The following RHOA variants were observed in gnomAD, a reference collection of about 807,000 sequenced individuals.
RHOA encodes transforming protein RhoA.
A neutral mutation model predicts 17.5 loss-of-function variants in RHOA; 3 were observed. The ratio of observed to expected loss-of-function variants is 0.17; its 90% CI spans 0.08 to 0.44. RHOA has a LOEUF of 0.44. Among genes scored for constraint, RHOA ranks in the 20% least tolerant of loss-of-function variants. RHOA has a pLI of 0.99. For synonymous variants in RHOA, 98 were observed against 88.4 expected, an observed-to-expected ratio of 1.11 and a Z score of -0.61; for missense variants, 56 against 242.3, an observed-to-expected ratio of 0.23 and a Z score of 5.10.
chr3:49,411,964 A>C lies in RHOA; in HGVS notation c.-147T>G. 6.6e-6 allele frequency: 1 copy of C among 150,948 alleles called. No individual in the cohort carries two copies. Among genetic ancestry groups the C allele is most frequent in the Non-Finnish European group, 1.5e-5 (1 of 68,872 alleles). The allele number at this position is 150,948 out of a possible 1,614,324, so 9.4% of individuals were successfully genotyped here. A position where few individuals can be genotyped will look rare whatever the true frequency, so the allele number is the denominator to read the frequency against. On this transcript the variant is annotated 5_prime_UTR_variant, in exon 1 of 5. Transcript: ENST00000418115. Reference sequence around the variant, plus strand: ...GGAGGACCGCGGGCGGCGGGAGGGTAGCGCGAGAGAGCGAGGGCGGGCGGC... The same window carrying C: ...GGAGGACCGCGGGCGGCGGGAGGGTCGCGCGAGAGAGCGAGGGCGGGCGGC...
intron 1 of RHOA, among the ~76,000 whole-genome samples, chr3:49,401,041 C>CAAAAAATAAAA (rs2048716013): frequency 1.5e-5 from 1 of 67,584 alleles, no homozygotes; most frequent in Non-Finnish European, 2.6e-5. Flanking sequence ...GACTCCGTCT[C>CAAAAAATAAAA]AAAAAAAAAA....
At chr3:49,370,593 A>C (rs2048133337) in intron 2 of RHOA, among the ~76,000 whole-genome samples, 1 of 152,170 alleles carries the variant, frequency 6.6e-6, no homozygotes, top group African/African-American at 2.4e-5. Context: ...TTTACTACTC[A>C]AGAAATGTCT....
At chr3:49,408,333 C>T (rs1275028089) in intron 1 of RHOA, among the ~76,000 whole-genome samples, 1 of 150,844 alleles carries the variant, frequency 6.6e-6, no homozygotes, top group Non-Finnish European at 1.5e-5. Flanking sequence ...AATATACATA[C>T]TCATCCTCTT....
intron 2 of RHOA, among the ~76,000 whole-genome samples, chr3:49,370,840 ATCTT>A (rs2048136861): frequency 6.6e-6 from 1 of 152,052 alleles, no homozygotes; most frequent in South Asian, 2.1e-4. Context: ...CTTGGAACAC[ATCTT>A]TCTTCTCTTA....
At chr3:49,399,804 T>C (rs1170989415) in intron 1 of RHOA, among the ~76,000 whole-genome samples, 3 of 152,132 alleles carry the variant, frequency 2.0e-5, no homozygotes, top group Non-Finnish European at 4.4e-5. Context: ...ACTATTATGT[T>C]TTCGAACAAG....
intron 3 of RHOA, among the ~76,000 whole-genome samples, chr3:49,367,828 A>C (rs566315352): frequency 6.6e-6 from 1 of 151,282 alleles, no homozygotes; most frequent in Non-Finnish European, 1.5e-5. Flanking sequence ...GCCTTAGTTT[A>C]CTCATCTTTG....
chr3:49,404,458 AAAATTAGCCGGG>A (rs2048782242), intron 1 of RHOA, among the ~76,000 whole-genome samples: 1 of 146,670 alleles, frequency 6.8e-6, no homozygotes, highest in Non-Finnish European at 1.5e-5. Context: ...ACACACACAC[AAAATTAGCCGGG>A]CATGGTGGCA....
chr3:49,406,736 G>C (rs551257560), intron 1 of RHOA: 3 of 152,032 alleles, frequency 2.0e-5, no homozygotes, highest in African/African-American at 7.2e-5. Context: ...CACTTTGGGA[G>C]GCTGAGGCAG....
rs1295433802 is a variant in RHOA, at chr3:49,370,267, AAC to A, written c.157-1721_157-1720del. On this transcript the variant is annotated intron_variant, in intron 2 of 4. Coordinates refer to ENST00000418115, the MANE Select transcript of RHOA (RefSeq NM_001664.4). The stretch of plus-strand genomic sequence containing the variant: ...AATTAGGAAAAAAACAAAAAAACAA[AAC>A]AGATACTAGAACTGAACCAAGTGGC... 5.3e-5 allele frequency among the ~76,000 whole-genome samples: 8 copies of A among 152,246 alleles called. No homozygotes were observed. The South Asian group carries it at 1.7e-3, about 32-fold the overall frequency.
At chr3:49,379,953 G>GTGT (rs1384953752) in intron 1 of RHOA, among the ~76,000 whole-genome samples, 5 of 152,232 alleles carry the variant, frequency 3.3e-5, no homozygotes, top group Non-Finnish European at 5.9e-5. Context: ...CCATCTGGCA[G>GTGT]ACAGTGATGG....
At chr3:49,391,142 C>T (rs1361885861) in intron 1 of RHOA, among the ~76,000 whole-genome samples, 2 of 151,092 alleles carry the variant, frequency 1.3e-5, no homozygotes, top group Admixed American at 6.7e-5. Flanking sequence ...CGCTTGTACC[C>T]GGGAGGCAGA....
intron 1 of RHOA, among the ~76,000 whole-genome samples, chr3:49,388,224 T>C (rs2048433691): frequency 6.6e-6 from 1 of 151,952 alleles, no homozygotes; most frequent in Non-Finnish European, 1.5e-5. Flanking sequence ...TTTTGCCATG[T>C]TGCCCAGGCT....
intron 2 of RHOA, chr3:49,373,325 T>G (rs2048175140): frequency 4.9e-6 from 1 of 204,622 alleles, no homozygotes. Flanking sequence ...ACCTGGGTGA[T>G]AGAGGGAGAC....
At chr3:49,369,613 T>C (rs1173932978) in intron 2 of RHOA, among the ~76,000 whole-genome samples, 1 of 151,740 alleles carries the variant, frequency 6.6e-6, no homozygotes, top group African/African-American at 2.4e-5. Flanking sequence ...CGTGCGCCTG[T>C]AGTCCCAGCT....
intron 1 of RHOA, among the ~76,000 whole-genome samples, chr3:49,408,795 CT>C (rs113298712): frequency 0.34 from 49,087 of 142,656 alleles, 8,815 homozygotes; most frequent in East Asian, 0.77. Context: ...ACTTAAGATC[CT>C]TTTTTTTTTT....
At chr3:49,404,814 T>C (rs1271852615) in intron 1 of RHOA, among the ~76,000 whole-genome samples, 1 of 149,710 alleles carries the variant, frequency 6.7e-6, no homozygotes, top group Non-Finnish European at 1.5e-5. Flanking sequence ...AGCATGCACC[T>C]GTAGTCCCAG....
At chr3:49,361,976 T>TAA (rs2047979571) in intron 4 of RHOA, among the ~76,000 whole-genome samples, 1 of 151,198 alleles carries the variant, frequency 6.6e-6, no homozygotes. Flanking sequence ...TCACTTGAGG[T>TAA]AAGGAGTTCA....
chr3:49,398,282 C>T (rs2048652908), intron 1 of RHOA, among the ~76,000 whole-genome samples: 1 of 151,664 alleles, frequency 6.6e-6, no homozygotes, highest in Admixed American at 6.6e-5. Context: ...ACCCAGAAGG[C>T]GGAGGTTGCT....
intron 1 of RHOA, among the ~76,000 whole-genome samples, chr3:49,376,757 G>C (rs1167420976): frequency 6.6e-6 from 1 of 152,110 alleles, no homozygotes. Flanking sequence ...TCATCGGCAG[G>C]TTGTTTGGGT....
Sources: gnomAD v4.1 joint callset for allele counts (sites outside exome capture counted in the v4.1 genomes callset) on GRCh38, gnomAD v4.1.1 for gene constraint, MANE v1.5 for transcripts, NCBI Gene and HGNC (gene_info 2026-07-23, HGNC 2026-07-21) for gene names.